Variants in CEP83 observed in about 807,000 individuals in gnomAD.
The protein encoded by CEP83 is centrosomal protein 83.
Under a neutral mutation model 101.9 loss-of-function variants are expected in CEP83, and 70 were observed. The ratio of observed to expected loss-of-function variants is 0.69; its 90% CI spans 0.57 to 0.84. CEP83 has a LOEUF of 0.84. CEP83 is among the 40% of genes least tolerant of loss of function. The pLI is 0.00. For missense variants in CEP83, 715 were observed against 787.2 expected (o/e 0.91, Z 1.10); for synonymous variants, 264 against 267.9 (o/e 0.99, Z 0.14).
chr12:94,367,078 T>C (rs1306311680), intron 11 of CEP83, among the ~76,000 whole-genome samples: 2 of 152,132 alleles, frequency 1.3e-5, no homozygotes, highest in South Asian at 2.1e-4. Flanking sequence ...GGAAGGATCA[T>C]AGAAATGGAA....
intron 2 of CEP83, among the ~76,000 whole-genome samples, chr12:94,431,424 AG>A (rs2065615548): frequency 2.0e-5 from 3 of 152,192 alleles, no homozygotes; most frequent in African/African-American, 7.2e-5. Context: ...ACAGAAAACA[AG>A]AACAAAAATA....
At chr12:94,432,951 G>A (rs1244297964) in intron 2 of CEP83, among the ~76,000 whole-genome samples, 1 of 152,174 alleles carries the variant, frequency 6.6e-6, no homozygotes, top group African/African-American at 2.4e-5. Flanking sequence ...ACAAGGGAGA[G>A]AACCCTAATT....
the CEP83 span, chr12:94,300,811 A>G: frequency 1.1e-5 from 13 of 1,138,688 alleles, no homozygotes; most frequent in East Asian, 2.9e-4. Flanking sequence ...GTATACTTCA[A>G]TAACAAGGAC....
intron 2 of CEP83, among the ~76,000 whole-genome samples, chr12:94,416,000 C>A (rs1566139872): frequency 6.6e-6 from 1 of 152,022 alleles, no homozygotes; most frequent in South Asian, 2.1e-4. Context: ...ATACAAGATA[C>A]CTTCTCTGAC....
chr12:94,281,604 T>C, the CEP83 span, among the ~76,000 whole-genome samples: 1 of 84,284 alleles, frequency 1.2e-5, no homozygotes, highest in South Asian at 3.8e-4. Flanking sequence ...AAAAATTTTA[T>C]AGAGACAAGT....
intron 1 of CEP83, among the ~76,000 whole-genome samples, chr12:94,438,984 G>C (rs56940275): frequency 0.11 from 16,693 of 152,124 alleles, 1,014 homozygotes; most frequent in African/African-American, 0.16. Flanking sequence ...CGATAACAGT[G>C]ACACAACCTA....
At chr12:94,456,525 A>G (rs896356360) in intron 1 of CEP83, among the ~76,000 whole-genome samples, 1 of 152,238 alleles carries the variant, frequency 6.6e-6, no homozygotes, top group Non-Finnish European at 1.5e-5. Flanking sequence ...ACAGTTCCAC[A>G]TGGCTGGAGA....
At chr12:94,320,941 T>C (rs1193123380) in intron 14 of CEP83, among the ~76,000 whole-genome samples, 5 of 152,248 alleles carry the variant, frequency 3.3e-5, no homozygotes, top group Non-Finnish European at 7.3e-5. Context: ...GAGGAAGTTT[T>C]CTTGGACAAT....
At chr12:94,421,017 T>C (rs71458545) in intron 2 of CEP83, among the ~76,000 whole-genome samples, 1 of 151,996 alleles carries the variant, frequency 6.6e-6, no homozygotes, top group Admixed American at 6.6e-5. Context: ...CTGTACATTG[T>C]TGTGTACTTT....
chr12:94,299,436 C>T, the CEP83 span, among the ~76,000 whole-genome samples: 2 of 152,180 alleles, frequency 1.3e-5, no homozygotes, highest in African/African-American at 4.8e-5. Context: ...TTTCCAGGCA[C>T]TGAGGGCAGC....
chr12:94,403,296 C>A, intron 4 of CEP83, 34 bp from the exon 5 acceptor site: 1 of 939,806 alleles, frequency 1.1e-6, no homozygotes, highest in South Asian at 1.4e-5. Flanking sequence ...AATATAAAAT[C>A]ACATTAAAAT....
chr12:94,388,328 C>T (rs371130324), intron 6 of CEP83, among the ~76,000 whole-genome samples: 8 of 152,134 alleles, frequency 5.3e-5, no homozygotes, highest in African/African-American at 1.9e-4. Flanking sequence ...AACAAAGGAA[C>T]AGAAAACCAA....
chr12:94,432,714 A>G (rs959167865), intron 2 of CEP83, among the ~76,000 whole-genome samples: 1 of 152,202 alleles, frequency 6.6e-6, no homozygotes, highest in African/African-American at 2.4e-5. Flanking sequence ...TGAATCATAT[A>G]TATTTCAAAG....
chr12:94,357,288 T>C (rs1430212065), intron 11 of CEP83, among the ~76,000 whole-genome samples: 1 of 151,388 alleles, frequency 6.6e-6, no homozygotes. Flanking sequence ...GGACTGAGAG[T>C]GGATAAAGGA....
Position 94,368,099 on chromosome 12 carries a change from T to C in CEP83, c.1151A>G (p.Lys384Arg), listed in dbSNP as rs185058802. 1,378 of 1,613,562 alleles carry C rather than the reference T, an allele frequency of 8.5e-4. No individual in the cohort carries two copies. The highest frequency in any genetic ancestry group is 1.1e-3 in the Non-Finnish European group (1,321 of 1,179,696). The change falls in exon 10 of 17, where the codon AAA (lysine) becomes AGA (arginine). Residue 384 changes from lysine to arginine, a missense_variant. Physicochemically the swap from Lys to Arg is conservative, Grantham distance 26 (BLOSUM62 2). Transcript: ENST00000397809. ...RELIRKVQAA[K>R]EEGYQKLVVL... The stretch of plus-strand genomic sequence containing the variant: ...CACAAGTTTTTGATAACCTTCTTCT[T>C]TGGCAGCTTGTACTTTACGTATTAA...
At chr12:94,341,483 T>G (rs2059685162) in intron 11 of CEP83, among the ~76,000 whole-genome samples, 1 of 151,984 alleles carries the variant, frequency 6.6e-6, no homozygotes, top group African/African-American at 2.4e-5. Context: ...ACCTGGTTGA[T>G]GTAGCTGGAC....
At chr12:94,368,278 C>T (rs2061122080) in intron 9 of CEP83, 77 bp from the exon 10 acceptor site, 1 of 1,092,470 alleles carries the variant, frequency 9.2e-7, no homozygotes, top group South Asian at 1.6e-5. Context: ...AGCAAGCATT[C>T]ATAAGCTGGT....
At chr12:94,270,983 G>A in the CEP83 span, among the ~76,000 whole-genome samples, 5 of 152,026 alleles carry the variant, frequency 3.3e-5, no homozygotes, top group African/African-American at 1.2e-4. Flanking sequence ...ACTCTGGCTT[G>A]GAAAGAAGCT....
the CEP83 span, among the ~76,000 whole-genome samples, chr12:94,287,667 T>C: frequency 6.6e-6 from 1 of 152,174 alleles, no homozygotes; most frequent in African/African-American, 2.4e-5. Flanking sequence ...AATTTGTAAT[T>C]CAAAAGATAT....
Sources: allele counts gnomAD v4.1 joint callset (sites outside exome capture counted in the v4.1 genomes callset), GRCh38; gene constraint gnomAD v4.1.1; transcripts MANE v1.5; gene names NCBI Gene and HGNC (gene_info 2026-07-23, HGNC 2026-07-21).